CSMD1: variants seen among roughly 807,000 people sequenced by gnomAD.
CSMD1 encodes the protein CUB and sushi domain-containing protein 1.
In CSMD1, 213 loss-of-function variants were observed where a neutral mutation model predicts 417.5. The observed-to-expected ratio is 0.51, with a 90% CI of 0.46 to 0.57. The LOEUF is 0.57. Among genes scored for constraint, CSMD1 ranks in the 20% least tolerant of loss-of-function variants. The probability of loss-of-function intolerance (pLI) is 0.00; values close to 1 mark genes in which losing one functional copy is unlikely to be tolerated. For synonymous variants in CSMD1, 2,862 were observed against 1,736.8 expected (o/e 1.65, Z -16.11); for missense variants, 6,923 against 4,529.7 (o/e 1.53, Z -15.17).
chr8:4,667,325 T>G (rs1049589117), intron 1 of CSMD1, among the ~76,000 whole-genome samples: 4 of 152,178 alleles, frequency 2.6e-5, no homozygotes, highest in East Asian at 1.9e-4. Context: ...AAAATTGTCT[T>G]GGCCATTCTA....
At chr8:4,184,860 G>T (rs1269720136) in intron 3 of CSMD1, among the ~76,000 whole-genome samples, 4 of 152,032 alleles carry the variant, frequency 2.6e-5, no homozygotes, top group Admixed American at 2.6e-4. Flanking sequence ...CACTTTCGGA[G>T]GCCAAGGTGG....
chr8:4,191,321 G>A (rs926679143), intron 3 of CSMD1, among the ~76,000 whole-genome samples: 6 of 152,016 alleles, frequency 3.9e-5, no homozygotes, highest in East Asian at 1.9e-4. Flanking sequence ...GCGTGAACCC[G>A]GGAGGCAGAG....
At chr8:3,821,338 G>T (rs1268575487) in intron 5 of CSMD1, among the ~76,000 whole-genome samples, 1 of 152,164 alleles carries the variant, frequency 6.6e-6, no homozygotes, top group Non-Finnish European at 1.5e-5. Context: ...CTGTACATAA[G>T]TAGATGCATG....
intron 12 of CSMD1, among the ~76,000 whole-genome samples, chr8:3,413,665 T>G (rs1312888245): frequency 1.3e-5 from 2 of 152,180 alleles, no homozygotes; most frequent in African/African-American, 4.8e-5. Context: ...ACACACTGAG[T>G]GTCACTACTG....
At chr8:4,367,463 C>T (rs1802145779) in intron 3 of CSMD1, among the ~76,000 whole-genome samples, 1 of 152,122 alleles carries the variant, frequency 6.6e-6, no homozygotes. Context: ...TTAATGTAGT[C>T]CTGCAGTACA....
intron 3 of CSMD1, among the ~76,000 whole-genome samples, chr8:4,384,499 A>G (rs944155093): frequency 2.0e-5 from 3 of 152,282 alleles, no homozygotes; most frequent in African/African-American, 7.2e-5. Flanking sequence ...TGTTGATCAA[A>G]TAGTTGATAC....
At chr8:4,676,517 C>G (rs1487288606) in intron 1 of CSMD1, among the ~76,000 whole-genome samples, 1 of 152,128 alleles carries the variant, frequency 6.6e-6, no homozygotes, top group Non-Finnish European at 1.5e-5. Context: ...CCGAATATAT[C>G]TCATAATTTC....
intron 3 of CSMD1, among the ~76,000 whole-genome samples, chr8:4,054,109 C>A (rs1179110506): frequency 1.3e-5 from 2 of 152,154 alleles, no homozygotes; most frequent in Non-Finnish European, 2.9e-5. Flanking sequence ...TGCTAATGGT[C>A]TCTAAGCAGC....
intron 5 of CSMD1, among the ~76,000 whole-genome samples, chr8:3,897,619 C>A (rs1169041277): frequency 6.6e-6 from 1 of 151,708 alleles, no homozygotes; most frequent in East Asian, 1.9e-4. Context: ...AACTGCAACT[C>A]AAAATGGACT....
chr8:3,993,178 C>G (rs879382722), intron 5 of CSMD1, among the ~76,000 whole-genome samples: 5 of 152,126 alleles, frequency 3.3e-5, no homozygotes, highest in Admixed American at 3.3e-4. Context: ...ATGAAGGAAG[C>G]TAGGTTTAGG....
chr8:4,644,388 T>C (rs1284828451), intron 1 of CSMD1, among the ~76,000 whole-genome samples: 2 of 145,610 alleles, frequency 1.4e-5, no homozygotes, highest in East Asian at 4.2e-4. Flanking sequence ...GCAACATTCT[T>C]CCAACATTAC....
intron 12 of CSMD1, among the ~76,000 whole-genome samples, chr8:3,439,327 T>C (rs894618668): frequency 8.3e-6 from 1 of 120,374 alleles, no homozygotes; most frequent in African/African-American, 3.3e-5. Context: ...TTTTAATATG[T>C]ATTTTTAATT....
intron 3 of CSMD1, among the ~76,000 whole-genome samples, chr8:4,135,295 CAGAAGAAA>C (rs1005752534): frequency 7.5e-6 from 1 of 133,470 alleles, no homozygotes; most frequent in Non-Finnish European, 1.6e-5. Context: ...GGAAGGAAGA[CAGAAGAAA>C]GGAAGAAAGG....
chr8:4,037,138 G>C (rs971315901), intron 3 of CSMD1, among the ~76,000 whole-genome samples: 14 of 152,214 alleles, frequency 9.2e-5, no homozygotes, highest in Non-Finnish European at 1.5e-4. Context: ...TCTTTCTTAA[G>C]TGAATGTAGA....
At chr8:4,044,466 G>C (rs1028146905) in intron 3 of CSMD1, among the ~76,000 whole-genome samples, 1 of 152,108 alleles carries the variant, frequency 6.6e-6, no homozygotes, top group African/African-American at 2.4e-5. Context: ...GATTTAACTG[G>C]AGGGTCACAT....
chr8:3,730,214 A>G (rs1164789364), intron 6 of CSMD1, among the ~76,000 whole-genome samples: 1 of 152,098 alleles, frequency 6.6e-6, no homozygotes, highest in Admixed American at 6.5e-5. Flanking sequence ...TGAGGCTTCC[A>G]GTTTGATTCC....
At position 3,757,872 on chromosome 8, in the gene CSMD1, A is replaced by AAAC. The variant is rs1400571873; in HGVS notation, c.819-3831_819-3830insGTT. 2.4e-3 allele frequency among the ~76,000 whole-genome samples: 323 copies of AAAC among 132,196 alleles called. 2 individuals carry two copies. Among genetic ancestry groups the AAAC allele is most frequent in the African/African-American group, 8.4e-3 (304 of 36,246 alleles). The allele number at this position is 132,196 out of a possible 152,430, so 86.7% of individuals were successfully genotyped here. The stretch of plus-strand genomic sequence containing the variant: ...CTCAAAAAACAAACAAACAAACAAA[A>AAAC]AAAACCAACAACAAAAACACCGAGC... On this transcript the variant is annotated intron_variant, in intron 5 of 69. Coordinates refer to ENST00000635120, the MANE Select transcript of CSMD1 (RefSeq NM_033225.6).
intron 5 of CSMD1, among the ~76,000 whole-genome samples, chr8:3,873,874 G>C (rs1805643295): frequency 6.6e-6 from 1 of 152,146 alleles, no homozygotes. Flanking sequence ...ATTCATTTAA[G>C]CCAGACTGGC....
intron 7 of CSMD1, among the ~76,000 whole-genome samples, chr8:3,624,506 G>C (rs1335009085): frequency 1.3e-5 from 2 of 152,160 alleles, no homozygotes; most frequent in Non-Finnish European, 2.9e-5. Context: ...TTCATTGTTG[G>C]TACTTGTTTC....
Sources: allele counts gnomAD v4.1 joint callset (sites outside exome capture counted in the v4.1 genomes callset), GRCh38; gene constraint gnomAD v4.1.1; transcripts MANE v1.5; gene names NCBI Gene and HGNC (gene_info 2026-07-23, HGNC 2026-07-21).